CLMN: variants seen among roughly 807,000 people sequenced by gnomAD.
CLMN encodes calmin, also known as calmin (calponin-like, transmembrane).
CLMN carries 57 observed loss-of-function variants against 92.7 expected under a neutral mutation model. The ratio of observed to expected loss-of-function variants is 0.61; its 90% CI spans 0.50 to 0.77. The LOEUF is 0.77. CLMN is among the 30% of genes least tolerant of loss of function. CLMN has a pLI of 0.00. For synonymous variants in CLMN, 466 were observed against 470.6 expected (o/e 0.99, Z 0.13); for missense variants, 1,158 against 1,237.5 (o/e 0.94, Z 0.96).
rs1026703463 is a variant in CLMN at position 95,191,217 on chromosome 14, G to A, written c.*347C>T. 3 of 163,424 alleles carry A rather than the reference G, an allele frequency of 1.8e-5. No homozygotes were observed. The highest frequency in any genetic ancestry group is 1.7e-4 in the East Asian group (1 of 5,878). The allele number at this position is 163,424 out of a possible 1,614,324, so 10.1% of individuals were successfully genotyped here. On this transcript the variant is annotated 3_prime_UTR_variant, in exon 13 of 13. Coordinates refer to ENST00000298912, the MANE Select transcript of CLMN (RefSeq NM_024734.4). This position sits in a 1 kb window ranked among gnomAD's most constrained non-coding sequence, Gnocchi z 5.3. The stretch of plus-strand genomic sequence containing the variant: ...GGTAAGAAACTCAAGTTCATCCAGC[G>A]TGTGAACCTGCAATGTGGGGTGTGC...
chr14:95,227,847 G>A (rs1297346545), intron 2 of CLMN, among the ~76,000 whole-genome samples: 1 of 152,224 alleles, frequency 6.6e-6, no homozygotes, highest in Admixed American at 6.5e-5. Context: ...ATTTCTGACA[G>A]CCTTCAAATT....
intron 1 of CLMN, among the ~76,000 whole-genome samples, chr14:95,241,774 CAAACA>C (rs764116586): frequency 2.0e-5 from 3 of 152,216 alleles, no homozygotes; most frequent in Admixed American, 1.3e-4. Flanking sequence ...CATTTGAAAA[CAAACA>C]AAAGTTATCT....
rs142407833 is a variant in CLMN, at chr14:95,185,575, C to T, written c.*5989G>A. 4.7e-3 allele frequency: 709 copies of T among 152,262 alleles called. 3 individuals carry two copies. Among genetic ancestry groups the T allele is most frequent in the Non-Finnish European group, 7.2e-3 (489 of 68,072 alleles). The allele number at this position is 152,262 out of a possible 1,614,324, so 9.4% of individuals were successfully genotyped here. On this transcript the variant is annotated 3_prime_UTR_variant, in exon 13 of 13. Transcript: ENST00000298912. ...TGTGTCAGCAGTGATTATGCAATGT[C>T]GGGGAAGGAGAAATAACACAGCTGG...
At chr14:95,250,856 G>A (rs1711941186) in intron 1 of CLMN, among the ~76,000 whole-genome samples, 1 of 152,170 alleles carries the variant, frequency 6.6e-6, no homozygotes, top group Admixed American at 6.5e-5. Flanking sequence ...AACATAGGGG[G>A]ACTGGCCCAA....
chr14:95,264,533 C>T (rs1899393283), intron 1 of CLMN, among the ~76,000 whole-genome samples: 1 of 152,234 alleles, frequency 6.6e-6, no homozygotes, highest in African/African-American at 2.4e-5. Context: ...TACAAGACCA[C>T]AGAGGCGCGC....
At chr14:95,230,180 C>A (rs369862326) in intron 1 of CLMN, 47 bp from the exon 2 acceptor site, 271 of 1,530,512 alleles carry the variant, frequency 1.8e-4, no homozygotes, top group Non-Finnish European at 2.3e-4. Flanking sequence ...GAAGTATGTG[C>A]AAAATCACAC....
intron 8 of CLMN, 95 bp downstream of exon 8, chr14:95,209,300 A>G: frequency 9.0e-7 from 1 of 1,105,848 alleles, no homozygotes; most frequent in Non-Finnish European, 1.4e-6. Context: ...ACTGCTAGTT[A>G]CACAGAGCAA....
rs186316239 is a variant in CLMN at position 95,238,331 on chromosome 14, G to C, written c.83-8198C>G. 2.1e-3 allele frequency among the ~76,000 whole-genome samples: 322 copies of C among 152,302 alleles called. 1 individual carries two copies. The Middle Eastern group carries it at 0.027, about 13-fold the overall frequency. On this transcript the variant is annotated intron_variant, in intron 1 of 12. Transcript: ENST00000298912. Reference sequence around the variant, plus strand: ...GCAATTTCTTTTTAAACAGGAGAGGGGCCAGGCTTCAGGAATACCAGGCCA... The same window carrying C: ...GCAATTTCTTTTTAAACAGGAGAGGCGCCAGGCTTCAGGAATACCAGGCCA...
chr14:95,278,359 T>C (rs1900012576), intron 1 of CLMN, among the ~76,000 whole-genome samples: 1 of 152,214 alleles, frequency 6.6e-6, no homozygotes, highest in African/African-American at 2.4e-5. Flanking sequence ...TCTTCTTGGA[T>C]CTTATTTTTC....
At chr14:95,245,794 T>TGTTGG (rs1898540119) in intron 1 of CLMN, among the ~76,000 whole-genome samples, 1 of 93,690 alleles carries the variant, frequency 1.1e-5, no homozygotes, top group African/African-American at 5.7e-5. Context: ...GTGGTTGGAT[T>TGTTGG]ATTGGATGGA....
chr14:95,313,726 T>A (rs2140802106), intron 1 of CLMN, among the ~76,000 whole-genome samples: 1 of 152,226 alleles, frequency 6.6e-6, no homozygotes, highest in Non-Finnish European at 1.5e-5. Flanking sequence ...AATGGTTCAA[T>A]CACAAAAAAG....
chr14:95,217,575 G>C (rs187900365), intron 4 of CLMN, among the ~76,000 whole-genome samples: 1 of 152,324 alleles, frequency 6.6e-6, no homozygotes, highest in East Asian at 1.9e-4. Context: ...CATCACGAGC[G>C]CAAGTCCTGC....
At position 95,204,388 on chromosome 14, in the gene CLMN, G is replaced by C. The variant is rs1896984468; in HGVS notation, c.961C>G (p.Gln321Glu). Residue 321 changes from glutamine to glutamate, a missense_variant, in exon 9 of 13, where the codon CAG becomes GAG. By Grantham distance (29) the Gln-to-Glu change is conservative. Transcript: ENST00000298912. ...GTCAGAACGAAGACTTTGCTCTCCT[G>C]TTCAGAAGGAGTTTCTTTGATGCGA... Reference protein sequence around the residue: ...FVRIKETPSEQESKVFVLTEN... With the variant: ...FVRIKETPSEEESKVFVLTEN... 7 of 1,613,626 alleles carry C rather than the reference G, an allele frequency of 4.3e-6. No individual in the cohort carries two copies. The highest frequency in any genetic ancestry group is 1.3e-5 in the African/African-American group (1 of 74,766).
intron 1 of CLMN, among the ~76,000 whole-genome samples, chr14:95,315,394 G>A (rs535234218): frequency 6.6e-6 from 1 of 152,192 alleles, no homozygotes; most frequent in Non-Finnish European, 1.5e-5. Context: ...CTCTGCTGTA[G>A]GTCACAAAAC....
intron 1 of CLMN, among the ~76,000 whole-genome samples, chr14:95,302,022 C>A (rs1005222149): frequency 1.3e-5 from 2 of 152,218 alleles, no homozygotes; most frequent in African/African-American, 4.8e-5. Context: ...CCATGAACTC[C>A]AGCCTGGACA....
chr14:95,272,346 C>T (rs1004497569), intron 1 of CLMN, among the ~76,000 whole-genome samples: 12 of 152,162 alleles, frequency 7.9e-5, no homozygotes, highest in Non-Finnish European at 1.6e-4. Flanking sequence ...ATCCTGGCTG[C>T]TGTAACACAT....
At chr14:95,268,794 CTTTT>C (rs985091508) in intron 1 of CLMN, among the ~76,000 whole-genome samples, 108 of 63,074 alleles carry the variant, frequency 1.7e-3, no homozygotes, top group South Asian at 0.01. Flanking sequence ...CTCTCTCTCT[CTTTT>C]TTTTTTTTTT....
Position 95,191,379 on chromosome 14 carries a change from AG to A in CLMN, c.*184del, listed in dbSNP as rs1896554794. 2.2e-6 allele frequency: 1 copy of A among 448,246 alleles called. No individual in the cohort carries two copies. The highest frequency in any genetic ancestry group is 3.9e-6 in the Non-Finnish European group (1 of 258,426). 27.8% of individuals were successfully genotyped at this position (448,246 alleles called of 1,614,324 possible). A position where few individuals can be genotyped will look rare whatever the true frequency, so the allele number is the denominator to read the frequency against. ...CACAGCCAAAGAAAAAAGCATGCTC[AG>A]GTTGTCCAGAAAAAAAAGGAAACCT... On this transcript the variant is annotated 3_prime_UTR_variant, in exon 13 of 13. Coordinates refer to ENST00000298912, the MANE Select transcript of CLMN (RefSeq NM_024734.4). This position sits in a 1 kb window ranked among gnomAD's most constrained non-coding sequence, Gnocchi z 5.3.
At chr14:95,216,227 C>G (rs954236490) in intron 4 of CLMN, among the ~76,000 whole-genome samples, 3 of 152,172 alleles carry the variant, frequency 2.0e-5, no homozygotes, top group African/African-American at 7.2e-5. Flanking sequence ...TTTTATAAAA[C>G]CATCAGCTCT....
Sources: allele counts gnomAD v4.1 joint callset (sites outside exome capture counted in the v4.1 genomes callset), GRCh38; gene constraint gnomAD v4.1.1; non-coding constraint Gnocchi (gnomAD v3.1); transcripts MANE v1.5; gene names NCBI Gene and HGNC (gene_info 2026-07-23, HGNC 2026-07-21).